BACH2: variants seen among roughly 807,000 people sequenced by gnomAD.
BACH2 encodes the protein transcription regulator protein BACH2.
In BACH2, 5 loss-of-function variants were observed where a neutral mutation model predicts 61.8. The ratio of observed to expected loss-of-function variants is 0.08; its 90% CI spans 0.04 to 0.17. BACH2 has a LOEUF of 0.17. Ranked by LOEUF, BACH2 falls within the 10% of genes least tolerant of loss-of-function variation. The pLI is 1.00. For missense variants in BACH2, 824 were observed against 1,091.1 expected (o/e 0.76, Z 3.45); for synonymous variants, 446 against 440.1 (o/e 1.01, Z -0.17).
chr6:90,241,471 G>C (rs1378184233), intron 3 of BACH2, among the ~76,000 whole-genome samples: 1 of 152,154 alleles, frequency 6.6e-6, no homozygotes, highest in African/African-American at 2.4e-5. Flanking sequence ...GCAAGGGTAG[G>C]AATTTCCTCT....
intron 4 of BACH2, among the ~76,000 whole-genome samples, chr6:90,093,235 G>C (rs1434563853): frequency 2.0e-5 from 3 of 152,290 alleles, no homozygotes; most frequent in Non-Finnish European, 4.4e-5. Context: ...ACTGTTGTTT[G>C]TCTATCAGTC....
At chr6:90,138,268 C>T (rs1468113971) in intron 4 of BACH2, among the ~76,000 whole-genome samples, 2 of 152,202 alleles carry the variant, frequency 1.3e-5, no homozygotes, top group South Asian at 2.1e-4. Context: ...TTTGGGAGGT[C>T]GAGGCGGGTG....
chr6:90,228,218 C>T (rs1769978424), intron 3 of BACH2, among the ~76,000 whole-genome samples: 1 of 152,218 alleles, frequency 6.6e-6, no homozygotes, highest in African/African-American at 2.4e-5. Context: ...AAGTCTGAGT[C>T]AATTCTTCTT....
chr6:90,014,860 C>T (rs940359711), intron 5 of BACH2, among the ~76,000 whole-genome samples: 4 of 151,884 alleles, frequency 2.6e-5, no homozygotes, highest in African/African-American at 9.7e-5. Flanking sequence ...CTAACTGCAA[C>T]CTCAAACTCC....
chr6:90,212,653 T>C (rs570616108), intron 3 of BACH2, among the ~76,000 whole-genome samples: 1 of 152,308 alleles, frequency 6.6e-6, no homozygotes, highest in Admixed American at 6.5e-5. Context: ...AACAACAGCC[T>C]TCCTCCCCAA....
chr6:90,036,002 C>T (rs1160199174), intron 5 of BACH2, among the ~76,000 whole-genome samples: 4 of 151,654 alleles, frequency 2.6e-5, no homozygotes, highest in South Asian at 2.1e-4. Flanking sequence ...TTCATTTCTA[C>T]GAAGGGGTTA....
intron 3 of BACH2, among the ~76,000 whole-genome samples, chr6:90,214,800 C>T (rs1243087406): frequency 1.6e-5 from 2 of 127,098 alleles, no homozygotes; most frequent in Non-Finnish European, 3.1e-5. Flanking sequence ...CTCACTCTGT[C>T]GCCCAGGCTG....
At chr6:89,999,776 T>C (rs1777036708) in intron 6 of BACH2, among the ~76,000 whole-genome samples, 1 of 152,176 alleles carries the variant, frequency 6.6e-6, no homozygotes, top group African/African-American at 2.4e-5. Flanking sequence ...AATGAATAGA[T>C]ACGCCGGTAA....
In BACH2 at chr6:90,148,788, C is replaced by T. The variant is rs547009725; in HGVS notation, c.-162+57781G>A. On this transcript the variant is annotated intron_variant, in intron 4 of 8. Transcript: ENST00000257749. ...AGTGTTTTGATTCTTTCCTTACTTG[C>T]CTTTTTTTGAAAACATCTTTTATAA... 5.4e-4 allele frequency among the ~76,000 whole-genome samples: 82 copies of T among 152,208 alleles called. No homozygotes were observed. The South Asian group carries it at 8.9e-3, about 17-fold the overall frequency.
At chr6:90,001,094 G>A (rs1777109734) in intron 6 of BACH2, 1 of 152,200 alleles carries the variant, frequency 6.6e-6, no homozygotes, top group African/African-American at 2.4e-5. Context: ...AGATTAGGAT[G>A]TGACTTATTG....
At chr6:90,188,129 C>T (rs1361281487) in intron 4 of BACH2, among the ~76,000 whole-genome samples, 1 of 152,204 alleles carries the variant, frequency 6.6e-6, no homozygotes, top group Non-Finnish European at 1.5e-5. Context: ...CTTTCAGGCT[C>T]CCCAACTCCT....
intron 2 of BACH2, among the ~76,000 whole-genome samples, chr6:90,271,406 A>AC (rs1462447697): frequency 2.0e-5 from 3 of 150,972 alleles, no homozygotes; most frequent in African/African-American, 7.3e-5. Context: ...AGAAAGGAAA[A>AC]GAAAAAAAAA....
At chr6:90,113,059 C>A (rs908219013) in intron 4 of BACH2, among the ~76,000 whole-genome samples, 1 of 152,132 alleles carries the variant, frequency 6.6e-6, no homozygotes, top group Non-Finnish European at 1.5e-5. Flanking sequence ...ATCCTAATAT[C>A]CTAAATATAA....
chr6:90,036,156 C>T (rs9353713), intron 5 of BACH2, among the ~76,000 whole-genome samples: 62,518 of 150,598 alleles, frequency 0.42, 14,856 homozygotes, highest in East Asian at 0.82. Flanking sequence ...CATTGCTTCT[C>T]ATCAGCTTTT....
chr6:90,056,855 C>T (rs1458030717), intron 5 of BACH2, among the ~76,000 whole-genome samples: 8 of 152,162 alleles, frequency 5.3e-5, no homozygotes, highest in African/African-American at 1.9e-4. Flanking sequence ...AACTGAACAA[C>T]CTGCTCCTGA....
intron 2 of BACH2, among the ~76,000 whole-genome samples, chr6:90,271,016 C>T (rs1771501245): frequency 1.3e-5 from 2 of 152,074 alleles, no homozygotes; most frequent in Middle Eastern, 3.2e-3. Context: ...GAATAATTGG[C>T]AAGCCACATG....
chr6:89,981,543 G>C (rs943625445), intron 6 of BACH2, among the ~76,000 whole-genome samples: 1 of 152,084 alleles, frequency 6.6e-6, no homozygotes, highest in Non-Finnish European at 1.5e-5. Flanking sequence ...CATGTTCCCT[G>C]AATTGACAAG....
chr6:90,053,446 T>A (rs1780156826), intron 5 of BACH2, among the ~76,000 whole-genome samples: 1 of 151,980 alleles, frequency 6.6e-6, no homozygotes, highest in East Asian at 1.9e-4. Flanking sequence ...ATTTGGCTAA[T>A]TTATTTATTT....
intron 4 of BACH2, among the ~76,000 whole-genome samples, chr6:90,194,246 A>C (rs1202065418): frequency 6.6e-6 from 1 of 152,170 alleles, no homozygotes; most frequent in South Asian, 2.1e-4. Context: ...CTTCTGTTTG[A>C]ATATGGACAA....
Sources: gnomAD v4.1 joint callset for allele counts (sites outside exome capture counted in the v4.1 genomes callset) on GRCh38, gnomAD v4.1.1 for gene constraint, MANE v1.5 for transcripts, NCBI Gene and HGNC (gene_info 2026-07-23, HGNC 2026-07-21) for gene names.